Variants in SLC44A5 observed in about 807,000 individuals in gnomAD.
SLC44A5 encodes solute carrier family 44 member 5.
SLC44A5 carries 57 observed loss-of-function variants against 101.8 expected under a neutral mutation model. The ratio of observed to expected loss-of-function variants is 0.56; its 90% CI spans 0.45 to 0.70. SLC44A5 has a LOEUF of 0.70. Ranked by LOEUF, SLC44A5 falls within the 30% of genes least tolerant of loss-of-function variation. SLC44A5 has a pLI of 0.00. For missense variants in SLC44A5, 737 were observed against 853.1 expected (o/e 0.86, Z 1.70); for synonymous variants, 281 against 290.9 (o/e 0.97, Z 0.35).
At chr1:75,419,681 G>A (rs1455060586) in intron 2 of SLC44A5, among the ~76,000 whole-genome samples, 3 of 152,106 alleles carry the variant, frequency 2.0e-5, no homozygotes, top group African/African-American at 4.8e-5. Context: ...AAGAGCATCA[G>A]AAATGATAAA....
intron 6 of SLC44A5, among the ~76,000 whole-genome samples, chr1:75,266,453 T>A (rs1179767673): frequency 6.6e-6 from 1 of 152,144 alleles, no homozygotes. Context: ...GAAAGCCAAG[T>A]TCACTGCAAC....
chr1:75,411,988 T>C (rs571650586), intron 2 of SLC44A5, among the ~76,000 whole-genome samples: 24 of 152,262 alleles, frequency 1.6e-4, no homozygotes, highest in African/African-American at 5.5e-4. Context: ...ACCTTTCATC[T>C]TGAACTCCAA....
At chr1:75,398,393 A>G (rs373344050) in intron 2 of SLC44A5, 3 of 985,314 alleles carry the variant, frequency 3.0e-6, no homozygotes, top group East Asian at 1.1e-4. Context: ...TGCCGGGTAT[A>G]GCAGGAAGCA....
intron 2 of SLC44A5, among the ~76,000 whole-genome samples, chr1:75,495,324 G>A (rs183874755): frequency 4.0e-4 from 61 of 151,880 alleles, no homozygotes; most frequent in Non-Finnish European, 5.9e-4. Flanking sequence ...GTGTGGTGGC[G>A]GGCACCTGTA....
chr1:75,504,686 T>C (rs1669149466), intron 2 of SLC44A5, among the ~76,000 whole-genome samples: 1 of 152,128 alleles, frequency 6.6e-6, no homozygotes, highest in Non-Finnish European at 1.5e-5. Flanking sequence ...ATTTGAAATC[T>C]GTACATGTAA....
Position 75,541,925 on chromosome 1 carries a change from T to A in SLC44A5, c.-69-409A>T, listed in dbSNP as rs779598624. Among the ~76,000 whole-genome samples, 23 of 152,196 alleles carry A rather than the reference T, an allele frequency of 1.5e-4. 1 individual carries two copies. Among genetic ancestry groups the A allele is most frequent in the Non-Finnish European group, 3.4e-4 (23 of 68,034 alleles). ...ACACTGATTACCAAATGGTGGTGGA[T>A]GACATTTTTGTTTTGAGTTCAGCAT... On this transcript the variant is annotated intron_variant, in intron 1 of 23. Transcript: ENST00000370859.
At chr1:75,228,191 T>C (rs1486544422) in intron 12 of SLC44A5, among the ~76,000 whole-genome samples, 1 of 152,198 alleles carries the variant, frequency 6.6e-6, no homozygotes, top group Non-Finnish European at 1.5e-5. Context: ...TCCTAAGGTT[T>C]ATACCTAATA....
intron 4 of SLC44A5, among the ~76,000 whole-genome samples, chr1:75,330,122 C>T (rs865961415): frequency 0.018 from 2,318 of 131,488 alleles, 60 homozygotes; most frequent in Middle Eastern, 0.065. Context: ...CACACACACA[C>T]ACACACACAC....
At chr1:75,432,034 CAAT>C (rs1664646191) in intron 2 of SLC44A5, among the ~76,000 whole-genome samples, 1 of 152,104 alleles carries the variant, frequency 6.6e-6, no homozygotes, top group Non-Finnish European at 1.5e-5. Flanking sequence ...CAGTTCATGT[CAAT>C]AATGAAAATA....
At chr1:75,714,388 A>G in the SLC44A5 span, among the ~76,000 whole-genome samples, 1 of 152,178 alleles carries the variant, frequency 6.6e-6, no homozygotes, top group South Asian at 2.1e-4. Context: ...CAAAACAATA[A>G]GAGTCATCTA....
At chr1:75,397,114 C>G (rs145985907) in intron 2 of SLC44A5, among the ~76,000 whole-genome samples, 174 of 152,270 alleles carry the variant, frequency 1.1e-3, no homozygotes, top group Non-Finnish European at 1.9e-3. Context: ...AGCAGTCCCA[C>G]CTTAATCACA....
At chr1:75,460,004 G>T (rs553693737) in intron 2 of SLC44A5, among the ~76,000 whole-genome samples, 81 of 152,150 alleles carry the variant, frequency 5.3e-4, no homozygotes, top group Non-Finnish European at 1.1e-3. Context: ...TTGGAGAGTT[G>T]GTTTTAAAAC....
At chr1:75,595,099 A>G (rs926697587) in intron 1 of SLC44A5, among the ~76,000 whole-genome samples, 3 of 152,050 alleles carry the variant, frequency 2.0e-5, no homozygotes, top group African/African-American at 7.2e-5. Flanking sequence ...AAGAAGAAAG[A>G]AAGGGAGGTA....
chr1:75,655,360 G>A, the SLC44A5 span, among the ~76,000 whole-genome samples: 1 of 152,192 alleles, frequency 6.6e-6, no homozygotes, highest in African/African-American at 2.4e-5. Flanking sequence ...TGCCCAGGAA[G>A]GGAGTATTTA....
intron 23 of SLC44A5, among the ~76,000 whole-genome samples, chr1:75,211,144 T>A (rs116355440): frequency 1.6e-3 from 249 of 152,274 alleles, no homozygotes; most frequent in African/African-American, 5.8e-3. Flanking sequence ...ACTGAAAGTT[T>A]GTACCCTTTG....
chr1:75,432,971 T>C (rs922003613), intron 2 of SLC44A5, among the ~76,000 whole-genome samples: 6 of 152,098 alleles, frequency 3.9e-5, no homozygotes, highest in Admixed American at 3.9e-4. Context: ...TACCTGTGCT[T>C]GGAGTTTATC....
chr1:75,677,080 T>A, the SLC44A5 span, among the ~76,000 whole-genome samples: 1 of 151,980 alleles, frequency 6.6e-6, no homozygotes, highest in East Asian at 1.9e-4. Flanking sequence ...CAACACCAGA[T>A]CTCTCCTAAA....
At chr1:75,507,908 G>C (rs1367184511) in intron 2 of SLC44A5, among the ~76,000 whole-genome samples, 2 of 152,120 alleles carry the variant, frequency 1.3e-5, no homozygotes, top group African/African-American at 2.4e-5. Context: ...AAAAGACTTA[G>C]ATAGTCACAC....
At chr1:75,709,025 C>T in the SLC44A5 span, among the ~76,000 whole-genome samples, 2 of 152,108 alleles carry the variant, frequency 1.3e-5, no homozygotes, top group East Asian at 1.9e-4. Flanking sequence ...TTAAACTTGC[C>T]TTTGTTAATC....
Sources: gnomAD v4.1 joint callset for allele counts (sites outside exome capture counted in the v4.1 genomes callset) on GRCh38, gnomAD v4.1.1 for gene constraint, MANE v1.5 for transcripts, NCBI Gene and HGNC (gene_info 2026-07-23, HGNC 2026-07-21) for gene names.